The following FBLN1 variants were observed in gnomAD, a reference collection of about 807,000 sequenced individuals.
FBLN1 encodes fibulin 1.
FBLN1 carries 34 observed loss-of-function variants against 89.7 expected under a neutral mutation model. The ratio of observed to expected loss-of-function variants is 0.38; its 90% CI spans 0.29 to 0.50. The LOEUF is 0.50. Ranked by LOEUF, FBLN1 falls within the 20% of genes least tolerant of loss-of-function variation. The pLI is 0.92. For synonymous variants in FBLN1, 393 were observed against 391.3 expected, an observed-to-expected ratio of 1.00 and a Z score of -0.05; for missense variants, 777 against 988.1, an observed-to-expected ratio of 0.79 and a Z score of 2.86.
chr22:45,561,402 T>C lies in FBLN1; in HGVS notation c.1697+10787T>C, dbSNP rs1327899850. ...CTTAGGAGCAACCAACCAGCTTCAT[T>C]ATGTTCCTTGGTTCTCCACATATGA... On this transcript the variant is annotated intron_variant, in intron 14 of 16. Transcript: ENST00000327858. This position sits in a 1 kb window ranked among gnomAD's most constrained non-coding sequence, Gnocchi z 4.7. Among the ~76,000 whole-genome samples, 1 of 152,244 alleles carries C rather than the reference T, an allele frequency of 6.6e-6. No individual in the cohort carries two copies. Among genetic ancestry groups the C allele is most frequent in the East Asian group, 1.9e-4 (1 of 5,200 alleles).
intron 12 of FBLN1, among the ~76,000 whole-genome samples, chr22:45,547,438 C>T (rs146974983): frequency 7.4e-4 from 104 of 140,900 alleles, no homozygotes; most frequent in African/African-American, 2.6e-3. Flanking sequence ...CTCTGTTGCC[C>T]AGGCTGGAGT....
intron 14 of FBLN1, among the ~76,000 whole-genome samples, chr22:45,554,064 C>T (rs915450675): frequency 6.6e-6 from 1 of 152,240 alleles, no homozygotes; most frequent in African/African-American, 2.4e-5. Context: ...CTTTGAAAGC[C>T]AAGCTTGCCC....
At position 45,556,732 on chromosome 22, in the gene FBLN1, C is replaced by T. The variant is rs9614490; in HGVS notation, c.1697+6117C>T. 0.015 allele frequency among the ~76,000 whole-genome samples: 2,277 copies of T among 152,252 alleles called. 32 individuals are homozygous for T. The highest frequency in any genetic ancestry group is 0.021 in the Non-Finnish European group (1,433 of 68,018). Reference sequence around the variant, plus strand: ...GTTGACTTAAAGGTAGGAGGAGCTTCAAGTGTCCAGGTGGCAATCTTAATT... The same window carrying T: ...GTTGACTTAAAGGTAGGAGGAGCTTTAAGTGTCCAGGTGGCAATCTTAATT... On this transcript the variant is annotated intron_variant, in intron 14 of 16. Coordinates refer to ENST00000327858, the MANE Select transcript of FBLN1 (RefSeq NM_006486.3). This position sits in a 1 kb window ranked among gnomAD's most constrained non-coding sequence, Gnocchi z 4.6.
chr22:45,567,747 T>C lies in FBLN1; in HGVS notation c.1698-6764T>C, dbSNP rs192000430. 2.3e-4 allele frequency among the ~76,000 whole-genome samples: 35 copies of C among 151,872 alleles called. 1 individual carries two copies. Among genetic ancestry groups the C allele is most frequent in the Admixed American group, 1.9e-3 (29 of 15,236 alleles). ...AAAAAAAATGTTTCCATGGAAAACA[T>C]TTACAAACGAAACAAGGTATGGTTG... On this transcript the variant is annotated intron_variant, in intron 14 of 16. Coordinates refer to ENST00000327858, the MANE Select transcript of FBLN1 (RefSeq NM_006486.3).
intron 1 of FBLN1, among the ~76,000 whole-genome samples, chr22:45,513,015 A>G (rs713896): frequency 0.28 from 42,471 of 152,138 alleles, 6,848 homozygotes; most frequent in East Asian, 0.57. Flanking sequence ...TTTAAGTCTC[A>G]TTTGAAGTTT....
In FBLN1 at chr22:45,574,132, T is replaced by C. The variant is rs971127849; in HGVS notation, c.1698-379T>C. ...CGGGACCATGTGTCCCTTGTTCACTTTGCTGTCCCTAGCAGCCGGCGCCTG... is the reference window on the plus strand; with the variant it reads ...CGGGACCATGTGTCCCTTGTTCACTCTGCTGTCCCTAGCAGCCGGCGCCTG... On this transcript the variant is annotated intron_variant, in intron 14 of 16. Transcript: ENST00000327858. The surrounding 1 kb of genome is among the most constrained non-coding windows in gnomAD (Gnocchi z 4.1). Among the ~76,000 whole-genome samples, 1 of 152,226 alleles carries C rather than the reference T, an allele frequency of 6.6e-6. No homozygotes were observed. The highest frequency in any genetic ancestry group is 1.5e-5 in the Non-Finnish European group (1 of 68,030).
chr22:45,517,493 T>C, intron 1 of FBLN1: 1 of 466,516 alleles, frequency 2.1e-6, no homozygotes, highest in Non-Finnish European at 4.4e-6. Flanking sequence ...CAAGGGCCTG[T>C]GTGCCCAGCT....
chr22:45,519,909 C>T (rs1187408552), intron 2 of FBLN1, among the ~76,000 whole-genome samples: 1 of 152,100 alleles, frequency 6.6e-6, no homozygotes, highest in Non-Finnish European at 1.5e-5. Context: ...GTGGCTCACC[C>T]CTGTAATCCC....
intron 16 of FBLN1, among the ~76,000 whole-genome samples, chr22:45,599,931 A>G (rs1473879450): frequency 2.0e-5 from 3 of 152,224 alleles, no homozygotes; most frequent in Non-Finnish European, 4.4e-5. Context: ...AACAAAAGAC[A>G]AACAAAAAAC....
At chr22:45,525,205 A>G (rs199519246) in intron 2 of FBLN1, among the ~76,000 whole-genome samples, 5 of 96,564 alleles carry the variant, frequency 5.2e-5, no homozygotes, top group Non-Finnish European at 9.8e-5. Context: ...GAAAGAGAGA[A>G]AGAAAGAAAG....
intron 11 of FBLN1, among the ~76,000 whole-genome samples, chr22:45,546,005 G>A (rs1250739622): frequency 1.1e-4 from 16 of 151,978 alleles, no homozygotes; most frequent in Non-Finnish European, 2.2e-4. Context: ...AAAATTAGCC[G>A]GGCATGGTGG....
In FBLN1 at chr22:45,600,569, C is replaced by A; in HGVS notation, c.*123C>A. On this transcript the variant is annotated 3_prime_UTR_variant, in exon 17 of 17. Coordinates refer to ENST00000327858, the MANE Select transcript of FBLN1 (RefSeq NM_006486.3). ...ATGTTAGGTATTTGTAGCATTAGGCCAACATGTATTAAGCTGAGCCAGATG... is the reference window on the plus strand; with the variant it reads ...ATGTTAGGTATTTGTAGCATTAGGCAAACATGTATTAAGCTGAGCCAGATG... 1 of 1,127,018 alleles carries A rather than the reference C, an allele frequency of 8.9e-7. No homozygotes were observed. Among genetic ancestry groups the A allele is most frequent in the Non-Finnish European group, 1.4e-6 (1 of 740,114 alleles). 69.8% of individuals were successfully genotyped at this position (1,127,018 alleles called of 1,614,324 possible).
At chr22:45,553,389 G>T (rs901266636) in intron 14 of FBLN1, among the ~76,000 whole-genome samples, 3 of 152,218 alleles carry the variant, frequency 2.0e-5, no homozygotes, top group African/African-American at 7.2e-5. Context: ...GCGTGGCAGG[G>T]GGGGACGGGG....
At chr22:45,547,784 A>G (rs919319764) in intron 12 of FBLN1, among the ~76,000 whole-genome samples, 7 of 151,780 alleles carry the variant, frequency 4.6e-5, no homozygotes, top group African/African-American at 1.7e-4. Flanking sequence ...GTTCTTTAAT[A>G]AATGTGCACG....
At chr22:45,552,684 G>A (rs2088719764) in intron 14 of FBLN1, among the ~76,000 whole-genome samples, 1 of 152,204 alleles carries the variant, frequency 6.6e-6, no homozygotes, top group African/African-American at 2.4e-5. Context: ...CCGCTGCTGT[G>A]CCTTTCTCTC....
chr22:45,557,959 G>A lies in FBLN1; in HGVS notation c.1697+7344G>A. On this transcript the variant is annotated intron_variant, in intron 14 of 16. Coordinates refer to ENST00000327858, the MANE Select transcript of FBLN1 (RefSeq NM_006486.3). This position sits in a 1 kb window ranked among gnomAD's most constrained non-coding sequence, Gnocchi z 4.9. ...GATTTCCCTTTGCCACTGTCCTTCA[G>A]GGATGTCCTAGAAAGGGGCAGTAGT... The A allele has an allele frequency of 1.5e-6, 1 of 684,892 alleles. No individual in the cohort carries two copies. 42.4% of individuals were successfully genotyped at this position (684,892 alleles called of 1,614,324 possible).
At chr22:45,524,574 C>T (rs536828819) in intron 2 of FBLN1, among the ~76,000 whole-genome samples, 2 of 152,152 alleles carry the variant, frequency 1.3e-5, no homozygotes, top group Admixed American at 6.5e-5. Flanking sequence ...TGCTCTGAGC[C>T]TGGAAGATGG....
intron 16 of FBLN1, among the ~76,000 whole-genome samples, chr22:45,589,456 A>T (rs910322080): frequency 2.6e-5 from 4 of 152,218 alleles, no homozygotes; most frequent in South Asian, 2.1e-4. Context: ...GGCAGCGCAG[A>T]CAGTCATCTG....
chr22:45,537,795 C>G lies in FBLN1; in HGVS notation c.922+2458C>G, dbSNP rs1289230689. On this transcript the variant is annotated intron_variant, in intron 8 of 16. Transcript: ENST00000327858. This position sits in a 1 kb window ranked among gnomAD's most constrained non-coding sequence, Gnocchi z 5.7. ...CAGTTGGCCCCTCGCCAGTCCCTTG[C>G]CAGCAGGGAGGGGTGGTTTTCGCTC... Among the ~76,000 whole-genome samples, 1 of 152,148 alleles carries G rather than the reference C, an allele frequency of 6.6e-6. No individual in the cohort carries two copies. The highest frequency in any genetic ancestry group is 1.5e-5 in the Non-Finnish European group (1 of 68,030).
Sources: allele counts gnomAD v4.1 joint callset (sites outside exome capture counted in the v4.1 genomes callset), GRCh38; gene constraint gnomAD v4.1.1; non-coding constraint Gnocchi (gnomAD v3.1); transcripts MANE v1.5; gene names NCBI Gene and HGNC (gene_info 2026-07-23, HGNC 2026-07-21).